Variants in FGGY observed in about 807,000 individuals in gnomAD.
The protein encoded by FGGY is FGGY carbohydrate kinase domain containing, also known as FGGY carbohydrate kinase domain-containing protein.
A neutral mutation model predicts 71.3 loss-of-function variants in FGGY; 72 were observed. The ratio of observed to expected loss-of-function variants is 1.01; its 90% CI spans 0.84 to 1.23. FGGY has a LOEUF of 1.23. Ranked by LOEUF, FGGY falls within the 50% of genes most tolerant of loss-of-function variation. The pLI is 0.00. For synonymous variants in FGGY, 251 were observed against 250.3 expected (o/e 1.00, Z -0.02); for missense variants, 668 against 682.3 (o/e 0.98, Z 0.23).
intron 14 of FGGY, among the ~76,000 whole-genome samples, chr1:59,722,756 G>A (rs765518424): frequency 1.9e-4 from 29 of 152,184 alleles, no homozygotes; most frequent in Admixed American, 5.2e-4. Context: ...CTCCAGTTCT[G>A]GAATCAGCCA....
chr1:59,498,884 G>A (rs557999984), intron 6 of FGGY, among the ~76,000 whole-genome samples: 2 of 152,152 alleles, frequency 1.3e-5, no homozygotes, highest in Non-Finnish European at 2.9e-5. Flanking sequence ...CTCCTCCCCC[G>A]GAGGGACTGC....
intron 7 of FGGY, among the ~76,000 whole-genome samples, chr1:59,534,855 C>T (rs1165045023): frequency 6.6e-6 from 1 of 151,958 alleles, no homozygotes; most frequent in Non-Finnish European, 1.5e-5. Flanking sequence ...AAGGAAAAAC[C>T]AGTACCAGCC....
At chr1:59,299,907 G>A (rs1180168611) in intron 1 of FGGY, among the ~76,000 whole-genome samples, 1 of 152,238 alleles carries the variant, frequency 6.6e-6, no homozygotes, top group Non-Finnish European at 1.5e-5. Flanking sequence ...ATCGGAATGA[G>A]TCAGTGAGTC....
intron 5 of FGGY, among the ~76,000 whole-genome samples, chr1:59,390,360 A>G (rs1224473785): frequency 6.6e-6 from 1 of 152,184 alleles, no homozygotes; most frequent in East Asian, 1.9e-4. Context: ...CCATAAAGTC[A>G]TCAAGGACAC....
At chr1:59,757,254 C>A (rs1399025821) in intron 14 of FGGY, among the ~76,000 whole-genome samples, 1 of 152,068 alleles carries the variant, frequency 6.6e-6, no homozygotes, top group East Asian at 1.9e-4. Context: ...ATATGGGAGC[C>A]AAAACAATCC....
In FGGY at chr1:59,517,836, C is replaced by T. The variant is rs138306076; in HGVS notation, c.799+5397C>T. 2.2e-3 allele frequency among the ~76,000 whole-genome samples: 339 copies of T among 152,246 alleles called. 1 individual carries two copies. The highest frequency in any genetic ancestry group is 7.8e-3 in the African/African-American group (324 of 41,550). ...TGAATGGCATTCCCTCCATGAGGAA[C>T]GGATATTACAACTGAGAGAGAGAGT... is the stretch of plus-strand genomic sequence containing the variant. On this transcript the variant is annotated intron_variant, in intron 7 of 15. Coordinates refer to ENST00000303721, the MANE Select transcript of FGGY (RefSeq NM_018291.5).
chr1:59,359,125 AT>A (rs1177876272), intron 4 of FGGY, among the ~76,000 whole-genome samples: 3 of 152,188 alleles, frequency 2.0e-5, no homozygotes, highest in African/African-American at 7.2e-5. Context: ...AAAGCAAGCA[AT>A]TAGAAAATGA....
At chr1:59,449,797 C>A (rs1263888584) in intron 5 of FGGY, among the ~76,000 whole-genome samples, 7 of 151,810 alleles carry the variant, frequency 4.6e-5, no homozygotes, top group African/African-American at 1.7e-4. Flanking sequence ...ACCCCCATCT[C>A]TAAAAAATAA....
chr1:59,640,507 G>A (rs2097012543), intron 11 of FGGY, among the ~76,000 whole-genome samples: 2 of 152,128 alleles, frequency 1.3e-5, no homozygotes, highest in Non-Finnish European at 2.9e-5. Flanking sequence ...GTTTAAAGTT[G>A]GGAGTGGGCG....
At chr1:59,515,682 G>A (rs763407427) in intron 7 of FGGY, among the ~76,000 whole-genome samples, 3 of 152,096 alleles carry the variant, frequency 2.0e-5, no homozygotes, top group Non-Finnish European at 1.5e-5. Flanking sequence ...AGATCTGATG[G>A]GTTTATCAGG....
At chr1:59,475,015 A>C (rs1288867053) in intron 6 of FGGY, among the ~76,000 whole-genome samples, 1 of 152,238 alleles carries the variant, frequency 6.6e-6, no homozygotes. Context: ...GAAAGTTCTT[A>C]CTACTATAAT....
chr1:59,685,647 A>G (rs2153993403), intron 14 of FGGY, among the ~76,000 whole-genome samples: 1 of 152,346 alleles, frequency 6.6e-6, no homozygotes, highest in African/African-American at 2.4e-5. Flanking sequence ...AAGTACTGCC[A>G]AAGAATGTTG....
At chr1:59,316,822 G>A (rs2045539522) in intron 1 of FGGY, among the ~76,000 whole-genome samples, 1 of 152,124 alleles carries the variant, frequency 6.6e-6, no homozygotes, top group African/African-American at 2.4e-5. Flanking sequence ...TTGAATTTCT[G>A]TTATTTTTCT....
intron 14 of FGGY, among the ~76,000 whole-genome samples, chr1:59,751,589 G>T (rs1403437049): frequency 6.6e-6 from 1 of 152,068 alleles, no homozygotes; most frequent in South Asian, 2.1e-4. Flanking sequence ...TATGTCTATG[G>T]CCAGGTGTGT....
At chr1:59,347,187 C>G (rs2052197795) in intron 4 of FGGY, among the ~76,000 whole-genome samples, 1 of 150,764 alleles carries the variant, frequency 6.6e-6, no homozygotes, top group Non-Finnish European at 1.5e-5. Flanking sequence ...TGTTGGTGTG[C>G]TGCACCCATT....
At chr1:59,715,902 C>T (rs1316104219) in intron 14 of FGGY, among the ~76,000 whole-genome samples, 3 of 152,218 alleles carry the variant, frequency 2.0e-5, no homozygotes, top group African/African-American at 7.2e-5. Context: ...GACACAATCA[C>T]ATCCATTCAT....
intron 6 of FGGY, among the ~76,000 whole-genome samples, chr1:59,484,390 C>T (rs956766131): frequency 2.0e-5 from 3 of 152,144 alleles, no homozygotes; most frequent in African/African-American, 7.2e-5. Flanking sequence ...GGTCCACCTA[C>T]TCTATCATCT....
intron 9 of FGGY, among the ~76,000 whole-genome samples, chr1:59,622,808 G>A (rs1436151508): frequency 6.6e-6 from 1 of 152,144 alleles, no homozygotes; most frequent in African/African-American, 2.4e-5. Context: ...GGGCAAAAAT[G>A]TATAAAATCA....
chr1:59,304,148 C>A (rs938222264), intron 1 of FGGY, among the ~76,000 whole-genome samples: 1 of 152,102 alleles, frequency 6.6e-6, no homozygotes, highest in African/African-American at 2.4e-5. Flanking sequence ...TCCAAAAAAT[C>A]ATAGCCAAGA....
Sources: allele counts gnomAD v4.1 joint callset (sites outside exome capture counted in the v4.1 genomes callset), GRCh38; gene constraint gnomAD v4.1.1; transcripts MANE v1.5; gene names NCBI Gene and HGNC (gene_info 2026-07-23, HGNC 2026-07-21).